GRIP1: variants seen among roughly 807,000 people sequenced by gnomAD.
The protein encoded by GRIP1 is glutamate receptor-interacting protein 1.
Under a neutral mutation model 129.9 loss-of-function variants are expected in GRIP1, and 45 were observed. That is an observed-to-expected ratio of 0.35 (90% CI 0.27 to 0.44). GRIP1 has a LOEUF of 0.44. GRIP1 is among the 20% of genes least tolerant of loss of function. The pLI is 1.00. For missense variants in GRIP1, 1,196 were observed against 1,396.8 expected (o/e 0.86, Z 2.29); for synonymous variants, 530 against 520.8 (o/e 1.02, Z -0.24).
At chr12:66,606,068 C>T (rs1053943166) in intron 1 of GRIP1, among the ~76,000 whole-genome samples, 2 of 152,158 alleles carry the variant, frequency 1.3e-5, no homozygotes, top group African/African-American at 4.8e-5. Context: ...TCTCAACTCC[C>T]TCTCTCGTGT....
chr12:66,797,248 A>G (rs973729120), intron 1 of GRIP1, among the ~76,000 whole-genome samples: 1 of 152,184 alleles, frequency 6.6e-6, no homozygotes, highest in Non-Finnish European at 1.5e-5. Flanking sequence ...TTAACTCTCT[A>G]AATGAAAAGT....
intron 5 of GRIP1, among the ~76,000 whole-genome samples, chr12:66,526,137 C>A (rs572960349): frequency 1.3e-5 from 2 of 151,694 alleles, no homozygotes; most frequent in African/African-American, 2.4e-5. Flanking sequence ...CCATCCCCAA[C>A]AAGCTACCAA....
intron 1 of GRIP1, among the ~76,000 whole-genome samples, chr12:66,894,966 G>A (rs2040721521): frequency 1.3e-5 from 2 of 152,186 alleles, no homozygotes; most frequent in Admixed American, 6.5e-5. Flanking sequence ...CTGCTGTGAA[G>A]AAGCAGGTGC....
Position 66,635,557 on chromosome 12 carries a change from C to T in GRIP1, c.56-38630G>A, listed in dbSNP as rs555017319. On this transcript the variant is annotated intron_variant, in intron 1 of 24. Transcript: ENST00000359742. ...ATGTCTTCAGGGAAGAATAATTATT[C>T]AACAAGATAAGGAATCATCAAAAGA... is the stretch of plus-strand genomic sequence containing the variant. 5.9e-5 allele frequency among the ~76,000 whole-genome samples: 9 copies of T among 151,946 alleles called. No individual in the cohort carries two copies. In the South Asian group the frequency reaches 1.9e-3, roughly 32 times the overall value.
At chr12:67,065,772 T>A (rs1332124021) in intron 1 of GRIP1, among the ~76,000 whole-genome samples, 1 of 152,220 alleles carries the variant, frequency 6.6e-6, no homozygotes, top group African/African-American at 2.4e-5. Context: ...TACAGAAGCA[T>A]CTATCTCTTT....
chr12:66,942,683 C>T (rs566068231), intron 1 of GRIP1, among the ~76,000 whole-genome samples: 1 of 152,224 alleles, frequency 6.6e-6, no homozygotes, highest in Non-Finnish European at 1.5e-5. Flanking sequence ...CATTGTGAGC[C>T]TGTGACTTGG....
At chr12:66,881,729 T>C (rs955720529) in intron 1 of GRIP1, among the ~76,000 whole-genome samples, 9 of 152,112 alleles carry the variant, frequency 5.9e-5, no homozygotes, top group African/African-American at 2.2e-4. Flanking sequence ...CCAGGACCCT[T>C]GGACTAGGCA....
At chr12:67,064,738 C>T (rs938930955) in intron 1 of GRIP1, among the ~76,000 whole-genome samples, 4 of 152,070 alleles carry the variant, frequency 2.6e-5, no homozygotes, top group Non-Finnish European at 4.4e-5. Context: ...GCTCCCTGTG[C>T]TTTCTCATAG....
chr12:67,053,846 AAAAAT>A (rs1014008974), intron 1 of GRIP1, among the ~76,000 whole-genome samples: 3 of 146,032 alleles, frequency 2.1e-5, no homozygotes, highest in Middle Eastern at 3.5e-3. Context: ...TCAAAAAAAA[AAAAAT>A]AAATATAAAT....
intron 15 of GRIP1, among the ~76,000 whole-genome samples, chr12:66,409,885 A>G (rs1017266604): frequency 8.5e-5 from 13 of 152,254 alleles, no homozygotes; most frequent in Admixed American, 6.5e-5. Context: ...GAAATTCTGG[A>G]GTTGAAAAAT....
intron 1 of GRIP1, among the ~76,000 whole-genome samples, chr12:66,759,421 T>C (rs1430712113): frequency 6.6e-6 from 1 of 152,200 alleles, no homozygotes; most frequent in Non-Finnish European, 1.5e-5. Context: ...GGAGCTGCCA[T>C]GAAGGTCTCT....
chr12:66,601,524 G>C (rs1235242406), intron 1 of GRIP1, among the ~76,000 whole-genome samples: 1 of 152,144 alleles, frequency 6.6e-6, no homozygotes, highest in Non-Finnish European at 1.5e-5. Context: ...CTCTAGCTGT[G>C]TTCAAAGCTT....
In GRIP1 at chr12:66,560,369, A is replaced by G. The variant is rs182460892; in HGVS notation, c.137-18419T>C. On this transcript the variant is annotated intron_variant, in intron 2 of 24. Coordinates refer to ENST00000359742, the MANE Select transcript of GRIP1 (RefSeq NM_001366722.1). ...CTGCACAGCAAAGGAAACAATCAAT[A>G]AAGTGAAGAGACAACCCACAGAATG... Among the ~76,000 whole-genome samples, 64 of 152,298 alleles carry G rather than the reference A, an allele frequency of 4.2e-4. 1 individual carries two copies. Among genetic ancestry groups the G allele is most frequent in the African/African-American group, 1.3e-3 (53 of 41,578 alleles).
intron 1 of GRIP1, among the ~76,000 whole-genome samples, chr12:66,966,004 T>G (rs2041993850): frequency 6.6e-6 from 1 of 152,164 alleles, no homozygotes; most frequent in African/African-American, 2.4e-5. Flanking sequence ...TACTTTCCAT[T>G]TGTGACTCTA....
At chr12:66,662,302 C>T (rs1592715624) in intron 1 of GRIP1, among the ~76,000 whole-genome samples, 2 of 152,160 alleles carry the variant, frequency 1.3e-5, no homozygotes, top group Admixed American at 6.6e-5. Context: ...CTTCTTTCCT[C>T]TCCTTCCTCT....
Position 66,856,559 on chromosome 12 carries a change from G to A in GRIP1, c.58+212491C>T, listed in dbSNP as rs570616267. Reference sequence around the variant, plus strand: ...CAAACAACCCCATCAAAAAGTGGGCGAAGAATATGAACAGACACTTCTCAA... The same window carrying A: ...CAAACAACCCCATCAAAAAGTGGGCAAAGAATATGAACAGACACTTCTCAA... On this transcript the variant is annotated intron_variant, in intron 1 of 1. Coordinates refer to the GRIP1 transcript ENST00000643019. 4.5e-3 allele frequency among the ~76,000 whole-genome samples: 677 copies of A among 152,040 alleles called. 4 individuals carry two copies. Among genetic ancestry groups the A allele is most frequent in the African/African-American group, 0.015 (610 of 41,466 alleles).
At chr12:66,555,521 A>G (rs965091647) in intron 2 of GRIP1, among the ~76,000 whole-genome samples, 5 of 152,182 alleles carry the variant, frequency 3.3e-5, no homozygotes, top group Non-Finnish European at 5.9e-5. Context: ...GATGAACATC[A>G]ATAAACATCA....
At chr12:66,387,212 C>T (rs541788029) in intron 19 of GRIP1, among the ~76,000 whole-genome samples, 3 of 152,300 alleles carry the variant, frequency 2.0e-5, no homozygotes, top group East Asian at 3.9e-4. Flanking sequence ...GTATGCACTG[C>T]ATGGCTGGTG....
chr12:66,559,092 T>C (rs912214590), intron 2 of GRIP1, among the ~76,000 whole-genome samples: 8 of 151,702 alleles, frequency 5.3e-5, no homozygotes, highest in East Asian at 3.9e-4. Flanking sequence ...ATCATCTCAA[T>C]TGATGCTGAA....
Sources: allele counts gnomAD v4.1 joint callset (sites outside exome capture counted in the v4.1 genomes callset), GRCh38; gene constraint gnomAD v4.1.1; transcripts MANE v1.5; gene names NCBI Gene and HGNC (gene_info 2026-07-23, HGNC 2026-07-21).